HAUS6: variants seen among roughly 807,000 people sequenced by gnomAD.
HAUS6 encodes HAUS augmin-like complex subunit 6.
In HAUS6, 80 loss-of-function variants were observed where a neutral mutation model predicts 106.8. That is an observed-to-expected ratio of 0.75 (90% CI 0.63 to 0.90). The LOEUF is 0.90. Among genes scored for constraint, HAUS6 ranks in the 40% least tolerant of loss-of-function variants. The pLI is 0.00. For missense variants in HAUS6, 1,155 were observed against 1,118.1 expected, an observed-to-expected ratio of 1.03 and a Z score of -0.47; for synonymous variants, 356 against 379.1, an observed-to-expected ratio of 0.94 and a Z score of 0.71.
In HAUS6 at chr9:19,086,724, G is replaced by A. The variant is rs769379110; in HGVS notation, c.699+10C>T. 5.9e-6 allele frequency: 7 copies of A among 1,192,598 alleles called. No individual in the cohort carries two copies. The South Asian group carries it at 9.0e-5, about 15-fold the overall frequency. 73.9% of individuals were successfully genotyped at this position (1,192,598 alleles called of 1,614,324 possible). ...AAAGATTAAATTTCTCCTTTTATAA[G>A]TTGTCTCACCTTTTGAATTTTTTCT... On this transcript the variant is annotated intron_variant, in intron 7 of 16. Transcript: ENST00000380502.
chr9:19,098,861 A>G (rs970526968), intron 1 of HAUS6, among the ~76,000 whole-genome samples: 1 of 152,000 alleles, frequency 6.6e-6, no homozygotes, highest in African/African-American at 2.4e-5. Context: ...CGTCTCTACT[A>G]AAAATACAAA....
chr9:19,059,376 C>A (rs1836556824), intron 15 of HAUS6, among the ~76,000 whole-genome samples: 1 of 152,180 alleles, frequency 6.6e-6, no homozygotes, highest in Non-Finnish European at 1.5e-5. Context: ...CTGTCAACTA[C>A]TTAACTCTGC....
rs144764384 is a variant in HAUS6 at position 19,074,407 on chromosome 9, G to A, written c.1294+2195C>T. ...CTGCCTCAGCCTCCTGAATAGCTAG[G>A]ACTACAGACACACACCACCAGGCCT... On this transcript the variant is annotated intron_variant, in intron 11 of 16. Transcript: ENST00000380502. Among the ~76,000 whole-genome samples, 741 of 152,196 alleles carry A rather than the reference G, an allele frequency of 4.9e-3. 4 individuals carry two copies. Among genetic ancestry groups the A allele is most frequent in the Non-Finnish European group, 9.0e-3 (613 of 68,004 alleles).
chr9:19,071,687 C>A (rs988121276), intron 11 of HAUS6, among the ~76,000 whole-genome samples: 17 of 151,516 alleles, frequency 1.1e-4, no homozygotes, highest in African/African-American at 4.1e-4. Context: ...GATCCTCCCA[C>A]CTCAGCCTCA....
At position 19,076,634 on chromosome 9, in the gene HAUS6, C is replaced by A; in HGVS notation, c.1262G>T (p.Ser421Ile). The A allele has an allele frequency of 6.3e-7, 1 of 1,582,218 alleles. No homozygotes were observed. The highest frequency in any genetic ancestry group is 2.2e-5 in the East Asian group (1 of 44,652). ...DPASEEVYAK[S>I]ILCQYPASLP... ...TGAAGCAGGATACTGACAAAGAATACTCTTTGCATACACTTCTTCTGAGGC... is the reference window on the plus strand; with the variant it reads ...TGAAGCAGGATACTGACAAAGAATAATCTTTGCATACACTTCTTCTGAGGC... Residue 421 changes from serine (S) to isoleucine (I), a missense_variant, in exon 11 of 17, where the codon AGT becomes ATT. Physicochemically the swap from Ser to Ile is moderately radical, Grantham distance 142. Transcript: ENST00000380502.
At chr9:19,062,306 CA>C (rs560297727) in intron 14 of HAUS6, among the ~76,000 whole-genome samples, 27 of 151,426 alleles carry the variant, frequency 1.8e-4, no homozygotes, top group African/African-American at 5.3e-4. Context: ...TTCTAATATT[CA>C]AAAAAAAGAG....
At chr9:19,094,255 A>G (rs1817814407) in intron 3 of HAUS6, 62 bp downstream of exon 3, 1 of 939,662 alleles carries the variant, frequency 1.1e-6, no homozygotes, top group Non-Finnish European at 1.7e-6. Context: ...CTAAAAAGTT[A>G]AAGAGTTAAA....
rs202063338 is a variant in HAUS6 at position 19,090,457 on chromosome 9, A to T, written c.437-898T>A. Among the ~76,000 whole-genome samples the T allele has an allele frequency of 9.2e-5, 14 of 152,044 alleles. No individual in the cohort carries two copies. The South Asian group carries it at 2.9e-3, about 32-fold the overall frequency. On this transcript the variant is annotated intron_variant, in intron 4 of 16. Transcript: ENST00000380502. ...TCGGCTCACTGCAACCTCCGCCTCC[A>T]GGGTTCACGCCATTCTCCTGCCTCA...
intron 10 of HAUS6, among the ~76,000 whole-genome samples, chr9:19,077,867 C>T (rs1837045262): frequency 1.3e-5 from 2 of 152,006 alleles, no homozygotes; most frequent in African/African-American, 4.8e-5. Flanking sequence ...TTGAGACCAG[C>T]CTTGGCAATA....
At chr9:19,095,240 G>A (rs907399569) in intron 2 of HAUS6, among the ~76,000 whole-genome samples, 2 of 151,960 alleles carry the variant, frequency 1.3e-5, no homozygotes, top group African/African-American at 2.4e-5. Flanking sequence ...AAAAATATTA[G>A]GGTTTAAAAT....
chr9:19,090,662 C>T (rs980327130), intron 4 of HAUS6, among the ~76,000 whole-genome samples: 1 of 152,190 alleles, frequency 6.6e-6, no homozygotes, highest in African/African-American at 2.4e-5. Context: ...CTCGCCCAGC[C>T]ATAGAATCTT....
rs993762341 is a variant in HAUS6 at position 19,089,565 on chromosome 9, C to T, written c.437-6G>A. ...TACAAAATGATGAGAAGAATCTACA[C>T]AGAACACAAATAAGATTATAGAAAA... On this transcript the variant is annotated splice_region_variant and splice_polypyrimidine_tract_variant and intron_variant, in intron 4 of 16. Transcript: ENST00000380502. The T allele has an allele frequency of 1.2e-6, 2 of 1,603,866 alleles. No homozygotes were observed. The highest frequency in any genetic ancestry group is 3.4e-5 in the Admixed American group (2 of 59,198).
At chr9:19,102,486 T>A (rs1441786977) in intron 1 of HAUS6, 38 bp downstream of exon 1, 4 of 1,605,350 alleles carry the variant, frequency 2.5e-6, no homozygotes, top group African/African-American at 1.3e-5. Flanking sequence ...CGTCCCCCGG[T>A]TCAGGCTCCC....
chr9:19,085,786 T>G (rs1466361337), intron 7 of HAUS6, among the ~76,000 whole-genome samples: 1 of 152,138 alleles, frequency 6.6e-6, no homozygotes, highest in African/African-American at 2.4e-5. Context: ...TAATCCATTT[T>G]ATTTAGATAA....
chr9:19,097,925 C>G (rs1292273569), intron 1 of HAUS6, among the ~76,000 whole-genome samples: 1 of 152,208 alleles, frequency 6.6e-6, no homozygotes, highest in Non-Finnish European at 1.5e-5. Flanking sequence ...GATTACTATT[C>G]TCTTGCGTAA....
intron 7 of HAUS6, among the ~76,000 whole-genome samples, chr9:19,086,475 C>A (rs1193090236): frequency 6.6e-6 from 1 of 151,968 alleles, no homozygotes; most frequent in Non-Finnish European, 1.5e-5. Context: ...ACAAAATTAG[C>A]CAGGCGTGGT....
intron 2 of HAUS6, among the ~76,000 whole-genome samples, chr9:19,095,747 G>C (rs1817847947): frequency 1.3e-5 from 2 of 152,126 alleles, no homozygotes; most frequent in East Asian, 1.9e-4. Context: ...AAATAAATTT[G>C]AACACTTTTT....
intron 12 of HAUS6, among the ~76,000 whole-genome samples, chr9:19,069,142 T>C (rs560433109): frequency 6.6e-6 from 1 of 152,306 alleles, no homozygotes; most frequent in East Asian, 1.9e-4. Flanking sequence ...CAAATGGCAC[T>C]ATAGGATGTA....
At chr9:19,068,768 T>C (rs1836822314) in intron 12 of HAUS6, among the ~76,000 whole-genome samples, 1 of 151,758 alleles carries the variant, frequency 6.6e-6, no homozygotes, top group African/African-American at 2.4e-5. Context: ...TACTTAATAA[T>C]GTTTAATTTC....
Sources: gnomAD v4.1 joint callset for allele counts (sites outside exome capture counted in the v4.1 genomes callset) on GRCh38, gnomAD v4.1.1 for gene constraint, MANE v1.5 for transcripts, NCBI Gene and HGNC (gene_info 2026-07-23, HGNC 2026-07-21) for gene names.